CD180: variants seen among roughly 807,000 people sequenced by gnomAD.
CD180 encodes the protein CD180 antigen.
A neutral mutation model predicts 10.7 loss-of-function variants in CD180; 11 were observed. The ratio of observed to expected loss-of-function variants is 1.03; its 90% CI spans 0.65 to 1.70. CD180 has a LOEUF of 1.70. Ranked by LOEUF, CD180 falls within the 40% of genes most tolerant of loss-of-function variation. The pLI, the probability that CD180 is intolerant of heterozygous loss-of-function variation, is 0.00. For missense variants in CD180, 729 were observed against 775.2 expected (o/e 0.94, Z 0.71); for synonymous variants, 286 against 294.6 (o/e 0.97, Z 0.30).
In CD180 at chr5:67,183,692, G is replaced by A. The variant is rs1212531939; in HGVS notation, c.1151C>T (p.Ala384Val). 6.2e-7 allele frequency: 1 copy of A among 1,614,176 alleles called. No individual in the cohort carries two copies. Among genetic ancestry groups the A allele is most frequent in the East Asian group, 2.2e-5 (1 of 44,880 alleles). Reference protein sequence around the residue: ...TLDLSHNDIEASDCCSLQLKN... With the variant: ...TLDLSHNDIEVSDCCSLQLKN... Reference sequence around the variant, plus strand: ...GAGTTGCAGACTGCAGCAGTCAGAAGCCTCTATGTCATTATGGCTTAAATC... The same window carrying A: ...GAGTTGCAGACTGCAGCAGTCAGAAACCTCTATGTCATTATGGCTTAAATC... Residue 384 changes from alanine (A) to valine (V), a missense_variant, in exon 3 of 3, where the codon GCT becomes GTT. Physicochemically the swap from Ala to Val is moderately conservative, Grantham distance 64 (BLOSUM62 0). Transcript: ENST00000256447.
chr5:67,184,026 C>A lies in CD180; in HGVS notation c.817G>T (p.Glu273Ter), dbSNP rs1581823602. ...AGGTTGAGGCTCTCAACAGACATTTCACAGAGTCCCTTGAGCATGGCTGAA... is the reference window on the plus strand; with the variant it reads ...AGGTTGAGGCTCTCAACAGACATTTAACAGAGTCCCTTGAGCATGGCTGAA... ...ISSAMLKGLC[E>*]MSVESLNLQE... The change falls in exon 3 of 3, where the codon GAA becomes TAA. Residue 273 changes from glutamate to a stop codon, truncating the protein, a stop_gained. Transcript: ENST00000256447. LOFTEE classifies it low-confidence loss of function (END_TRUNC). The A allele has an allele frequency of 1.2e-6, 2 of 1,614,114 alleles. No homozygotes were observed. Among genetic ancestry groups the A allele is most frequent in the East Asian group, 4.5e-5 (2 of 44,874 alleles).
intron 1 of CD180, among the ~76,000 whole-genome samples, chr5:67,187,580 T>C (rs1742221874): frequency 6.6e-6 from 1 of 152,186 alleles, no homozygotes; most frequent in South Asian, 2.1e-4. Context: ...AGTGGTTTTT[T>C]AGAAGCCTGT....
intron 1 of CD180, among the ~76,000 whole-genome samples, chr5:67,195,297 A>T (rs1742379121): frequency 6.6e-6 from 1 of 152,118 alleles, no homozygotes; most frequent in Non-Finnish European, 1.5e-5. Context: ...GCTCACTGCA[A>T]CCTCTGCCTC....
At position 67,180,045 on chromosome 5, in the gene CD180, A is replaced by C. The variant is rs1439178894; in HGVS notation, c.*2812T>G. The C allele has an allele frequency of 6.6e-6, 1 of 152,294 alleles. No individual in the cohort carries two copies. Among genetic ancestry groups the C allele is most frequent in the African/African-American group, 2.4e-5 (1 of 41,482 alleles). The allele number at this position is 152,294 out of a possible 1,614,324, so 9.4% of individuals were successfully genotyped here. On this transcript the variant is annotated 3_prime_UTR_variant, in exon 3 of 3. Coordinates refer to ENST00000256447, the MANE Select transcript of CD180 (RefSeq NM_005582.3). ...AGGTTAAAGCAATAAAATTGACAGC[A>C]GCCATCAACAAGCTCCCTTTCTGAC...
rs1158332899 is a variant in CD180 at position 67,196,626 on chromosome 5, TG to T, written c.15del (p.Ser6AlafsTer37). MAFD[V>X]SCFFWVVLFS... ...AACAGCACCACCCAAAAGAAGCAGC[TG>T]ACGTCAAACGCCATCACAGGCTAGG... On this transcript the variant is annotated frameshift_variant, in exon 1 of 3. Transcript: ENST00000256447. LOFTEE classifies it high-confidence loss of function. 6.2e-7 allele frequency: 1 copy of T among 1,613,976 alleles called. No individual in the cohort carries two copies.
rs748438480 is a variant in CD180 at position 67,184,085 on chromosome 5, C to T, written c.758G>A (p.Gly253Glu). The change falls in exon 3 of 3, where the codon GGA becomes GAA. Residue 253 changes from glycine (G) to glutamate (E), a missense_variant. By Grantham distance (98) the Gly-to-Glu change is moderately conservative. Transcript: ENST00000256447. ...TTCGTCATCAATGTCCTCAAATGTT[C>T]CCAGCCAGAGAGACTGAGTAGTAGA... Reference protein sequence around the residue: ...QNSTTQSLWLGTFEDIDDEDI... With the variant: ...QNSTTQSLWLETFEDIDDEDI... 1.4e-5 allele frequency: 23 copies of T among 1,614,012 alleles called. No individual in the cohort carries two copies. The South Asian group carries it at 2.2e-4, about 15-fold the overall frequency.
intron 1 of CD180, among the ~76,000 whole-genome samples, chr5:67,188,786 A>C (rs1669780197): frequency 6.6e-6 from 1 of 152,232 alleles, no homozygotes; most frequent in Non-Finnish European, 1.5e-5. Flanking sequence ...TTTCTTTGAT[A>C]TTGTGACAAC....
chr5:67,186,250 A>C (rs1742192330), intron 1 of CD180: 1 of 293,124 alleles, frequency 3.4e-6, no homozygotes. Context: ...TACTTGAACA[A>C]AACATGGTAC....
chr5:67,193,487 C>T (rs1742346335), intron 1 of CD180, among the ~76,000 whole-genome samples: 1 of 152,310 alleles, frequency 6.6e-6, no homozygotes, highest in South Asian at 2.1e-4. Flanking sequence ...AGTATCCACA[C>T]AGTAGCAAGG....
intron 1 of CD180, among the ~76,000 whole-genome samples, chr5:67,193,032 G>A (rs572178535): frequency 2.4e-4 from 37 of 152,318 alleles, no homozygotes; most frequent in African/African-American, 8.7e-4. Flanking sequence ...TGATTGGGAA[G>A]CTGAGTGGGA....
At position 67,183,653 on chromosome 5, in the gene CD180, T is replaced by C. The variant is rs1742109841; in HGVS notation, c.1190A>G (p.His397Arg). The change falls in exon 3 of 3, where the codon CAC becomes CGC. Residue 397 changes from histidine to arginine, a missense_variant. Physicochemically the swap from His to Arg is conservative, Grantham distance 29. Coordinates refer to ENST00000256447, the MANE Select transcript of CD180 (RefSeq NM_005582.3). Reference protein sequence around the residue: ...CCSLQLKNLSHLQTLNLSHNE... With the variant: ...CCSLQLKNLSRLQTLNLSHNE... ...GTGGCTCAGGTTTAAGGTTTGCAAG[T>C]GGGACAGGTTTTTGAGTTGCAGACT... is the stretch of plus-strand genomic sequence containing the variant. 3 of 1,614,006 alleles carry C rather than the reference T, an allele frequency of 1.9e-6. No individual in the cohort carries two copies. The African/African-American group carries it at 4.0e-5, about 22-fold the overall frequency.
chr5:67,183,329 G>A lies in CD180; in HGVS notation c.1514C>T (p.Ser505Phe), dbSNP rs1017089588. Residue 505 changes from serine to phenylalanine, a missense_variant, in exon 3 of 3, where the codon TCT becomes TTT. Transcript: ENST00000256447. The part of the protein sequence containing the change: ...VGSLEVLILS[S>F]CGLLSIDQQA... ...CTGGTCTATAGAGAGGAGACCACAA[G>A]AGGACAAAATCAGAACCTCCAAGCT... 2 of 1,614,180 alleles carry A rather than the reference G, an allele frequency of 1.2e-6. No homozygotes were observed. Among genetic ancestry groups the A allele is most frequent in the East Asian group, 2.2e-5 (1 of 44,882 alleles).
chr5:67,188,334 T>C (rs904590310), intron 1 of CD180, among the ~76,000 whole-genome samples: 5 of 152,176 alleles, frequency 3.3e-5, no homozygotes, highest in African/African-American at 1.2e-4. Flanking sequence ...TAAATTACTT[T>C]TCTATACAAA....
intron 2 of CD180, among the ~76,000 whole-genome samples, chr5:67,185,062 TCACACACA>T (rs57251966): frequency 2.8e-5 from 4 of 145,008 alleles, no homozygotes; most frequent in African/African-American, 1.0e-4. Context: ...AAATACTGGA[TCACACACA>T]CACACACACA....
intron 1 of CD180, among the ~76,000 whole-genome samples, chr5:67,187,217 A>T (rs5744512): frequency 0.013 from 2,039 of 152,336 alleles, 50 homozygotes; most frequent in African/African-American, 0.047. Flanking sequence ...CTGGCAAAAA[A>T]GGAGGAGAGG....
At chr5:67,185,464 AG>A (rs1350074944) in intron 2 of CD180, among the ~76,000 whole-genome samples, 3 of 152,202 alleles carry the variant, frequency 2.0e-5, no homozygotes, top group Non-Finnish European at 4.4e-5. Context: ...TCCAATTTGT[AG>A]GGGGGAAAAG....
At chr5:67,191,626 C>G (rs1742306660) in intron 1 of CD180, among the ~76,000 whole-genome samples, 1 of 152,122 alleles carries the variant, frequency 6.6e-6, no homozygotes, top group Non-Finnish European at 1.5e-5. Context: ...TGCCACAATC[C>G]AAATCACAGA....
intron 1 of CD180, among the ~76,000 whole-genome samples, chr5:67,193,071 T>C (rs545696458): frequency 6.6e-6 from 1 of 152,322 alleles, no homozygotes; most frequent in African/African-American, 2.4e-5. Flanking sequence ...GCCAAGTTCC[T>C]CATTTGTTCC....
intron 2 of CD180, among the ~76,000 whole-genome samples, chr5:67,185,364 T>C (rs939839669): frequency 6.6e-6 from 1 of 152,026 alleles, no homozygotes; most frequent in Admixed American, 6.6e-5. Context: ...CCTTATTTTC[T>C]TGTAATACTT....
Sources: gnomAD v4.1 joint callset for allele counts (sites outside exome capture counted in the v4.1 genomes callset) on GRCh38, gnomAD v4.1.1 for gene constraint, MANE v1.5 for transcripts, NCBI Gene and HGNC (gene_info 2026-07-23, HGNC 2026-07-21) for gene names.